Variants in ARB2A observed in about 807,000 individuals in gnomAD.
ARB2A encodes cotranscriptional regulator ARB2A.
the ARB2A span, among the ~76,000 whole-genome samples, chr5:94,001,120 G>A: frequency 6.6e-6 from 1 of 151,868 alleles, no homozygotes; most frequent in African/African-American, 2.4e-5. Context: ...TATTGTGTTG[G>A]CTATTCTGGG....
chr5:93,874,497 G>A, the ARB2A span, among the ~76,000 whole-genome samples: 5 of 152,278 alleles, frequency 3.3e-5, no homozygotes, highest in African/African-American at 1.2e-4. Flanking sequence ...GGGGACAGAA[G>A]CTCAGTATGC....
chr5:93,781,527 C>G, the ARB2A span, among the ~76,000 whole-genome samples: 1 of 152,012 alleles, frequency 6.6e-6, no homozygotes, highest in Non-Finnish European at 1.5e-5. Flanking sequence ...GGTAAAATGA[C>G]TTATTTTGCT....
chr5:94,038,789 G>A, the ARB2A span, among the ~76,000 whole-genome samples: 60 of 150,302 alleles, frequency 4.0e-4, no homozygotes, highest in South Asian at 0.011. Context: ...GACAAAACTC[G>A]ATATTCAGTA....
chr5:93,757,945 C>G, the ARB2A span, among the ~76,000 whole-genome samples: 3 of 152,230 alleles, frequency 2.0e-5, no homozygotes, highest in East Asian at 3.9e-4. Context: ...TTAAAAAATA[C>G]AGAACCTCAG....
the ARB2A span, among the ~76,000 whole-genome samples, chr5:93,883,702 A>G: frequency 6.6e-6 from 1 of 151,590 alleles, no homozygotes; most frequent in East Asian, 1.9e-4. Context: ...AAAGTAAGTT[A>G]AAGAACACTG....
chr5:93,907,930 T>C, the ARB2A span, among the ~76,000 whole-genome samples: 2 of 151,380 alleles, frequency 1.3e-5, no homozygotes, highest in East Asian at 1.9e-4. Context: ...CATAACAACA[T>C]TGAAAATACT....
the ARB2A span, among the ~76,000 whole-genome samples, chr5:93,808,384 G>A: frequency 1.4e-5 from 2 of 147,206 alleles, no homozygotes; most frequent in African/African-American, 2.5e-5. Flanking sequence ...GTTTGTATTC[G>A]AGAACAGGAA....
At chr5:93,991,780 C>T in the ARB2A span, among the ~76,000 whole-genome samples, 1 of 151,746 alleles carries the variant, frequency 6.6e-6, no homozygotes, top group Non-Finnish European at 1.5e-5. Flanking sequence ...ACCAGTGGGA[C>T]AATGACAATA....
At chr5:93,971,760 A>G in the ARB2A span, among the ~76,000 whole-genome samples, 1 of 152,130 alleles carries the variant, frequency 6.6e-6, no homozygotes, top group East Asian at 1.9e-4. Flanking sequence ...ATGTAACTGA[A>G]TAATTGGTTG....
chr5:93,949,708 A>C, the ARB2A span, among the ~76,000 whole-genome samples: 1 of 151,772 alleles, frequency 6.6e-6, no homozygotes, highest in Non-Finnish European at 1.5e-5. Flanking sequence ...GACTGCAATC[A>C]CTCTACTGTG....
At chr5:93,634,570 C>T in the ARB2A span, among the ~76,000 whole-genome samples, 196 of 152,230 alleles carry the variant, frequency 1.3e-3, 1 homozygote, top group African/African-American at 4.5e-3. Context: ...AAAGATCCTC[C>T]AGATCTCTTT....
the ARB2A span, among the ~76,000 whole-genome samples, chr5:93,777,890 A>G: frequency 6.6e-6 from 1 of 152,186 alleles, no homozygotes; most frequent in Non-Finnish European, 1.5e-5. Flanking sequence ...AGGCAACCCT[A>G]CTGTTCTGGG....
At chr5:94,054,149 T>G in the ARB2A span, among the ~76,000 whole-genome samples, 1 of 152,192 alleles carries the variant, frequency 6.6e-6, no homozygotes, top group Non-Finnish European at 1.5e-5. Context: ...CACTTTCCCC[T>G]ATTAGTAACA....
chr5:93,817,083 CACAA>C, the ARB2A span, among the ~76,000 whole-genome samples: 214 of 143,274 alleles, frequency 1.5e-3, 1 homozygote, highest in African/African-American at 5.7e-3. Flanking sequence ...AAGGAATACA[CACAA>C]ACACACACAC....
chr5:93,631,438 A>G, the ARB2A span, among the ~76,000 whole-genome samples: 1 of 152,178 alleles, frequency 6.6e-6, no homozygotes, highest in African/African-American at 2.4e-5. Flanking sequence ...GTTTCCCATT[A>G]AAACTTCAGC....
chr5:93,621,028 C>A, the ARB2A span: 4 of 1,611,438 alleles, frequency 2.5e-6, no homozygotes, highest in Non-Finnish European at 2.5e-6. Flanking sequence ...CGGCGCGTCA[C>A]AGCCGGCTTC....
the ARB2A span, among the ~76,000 whole-genome samples, chr5:93,644,685 T>G: frequency 6.6e-6 from 1 of 152,222 alleles, no homozygotes; most frequent in African/African-American, 2.4e-5. Context: ...ATTTCATTTT[T>G]TAGAGACAGA....
At chr5:94,058,349 A>C in the ARB2A span, among the ~76,000 whole-genome samples, 1 of 152,186 alleles carries the variant, frequency 6.6e-6, no homozygotes, top group Admixed American at 6.5e-5. Context: ...TCTATGAAAA[A>C]TGATAAGGCA....
At chr5:93,859,822 G>A in the ARB2A span, among the ~76,000 whole-genome samples, 1 of 152,212 alleles carries the variant, frequency 6.6e-6, no homozygotes, top group Non-Finnish European at 1.5e-5. Context: ...AAAGATTTGA[G>A]AAGGGTGTGA....
Sources: allele counts gnomAD v4.1 joint callset (sites outside exome capture counted in the v4.1 genomes callset), GRCh38; gene constraint gnomAD v4.1.1; transcripts MANE v1.5; gene names NCBI Gene and HGNC (gene_info 2026-07-23, HGNC 2026-07-21).